The following FMO2 variants were observed in gnomAD, a reference collection of about 807,000 sequenced individuals.
The protein encoded by FMO2 is flavin containing dimethylaniline monoxygenase 2.
In FMO2, 33 loss-of-function variants were observed where a neutral mutation model predicts 41.6. The observed-to-expected ratio is 0.79, with a 90% CI of 0.60 to 1.06. The LOEUF is 1.06. Ranked by LOEUF, FMO2 falls within the 50% of genes least tolerant of loss-of-function variation. FMO2 has a pLI of 0.00. For missense variants in FMO2, 619 were observed against 632.9 expected (o/e 0.98, Z 0.23); for synonymous variants, 214 against 219.6 (o/e 0.97, Z 0.23).
rs541394865 is a variant in FMO2, at chr1:171,207,721, T to C, written c.1187T>C (p.Leu396Ser). ...AAACCAACCTTTTATTCCTTAGGCTTGTGTAGCCTGCCCTCAGAGAGAACT... is the reference window on the plus strand; with the variant it reads ...AAACCAACCTTTTATTCCTTAGGCTCGTGTAGCCTGCCCTCAGAGAGAACT... ...ARWVTRVFKGLCSLPSERTMM... is the reference protein window; with the variant it reads ...ARWVTRVFKGSCSLPSERTMM... Residue 396 changes from leucine to serine, a missense_variant, in exon 8 of 9, where the codon TTG (leucine) becomes TCG (serine). Coordinates refer to ENST00000209929, the MANE Select transcript of FMO2 (RefSeq NM_001460.5). 1.2e-5 allele frequency: 19 copies of C among 1,604,602 alleles called. No individual in the cohort carries two copies. The highest frequency in any genetic ancestry group is 1.5e-5 in the Non-Finnish European group (18 of 1,172,668).
At chr1:171,191,188 T>C (rs1239867559) in intron 2 of FMO2, among the ~76,000 whole-genome samples, 1 of 151,220 alleles carries the variant, frequency 6.6e-6, no homozygotes, top group Non-Finnish European at 1.5e-5. Flanking sequence ...AGAAAAATAG[T>C]GAGGTCATTA....
At chr1:171,189,659 C>CTT (rs397827245) in intron 2 of FMO2, among the ~76,000 whole-genome samples, 17,377 of 121,110 alleles carry the variant, frequency 0.14, 1,503 homozygotes, top group African/African-American at 0.18. Flanking sequence ...TTTTTCTTTT[C>CTT]TTTTTTTTTT....
At chr1:171,206,243 T>C (rs1280990120) in intron 7 of FMO2, among the ~76,000 whole-genome samples, 1 of 152,112 alleles carries the variant, frequency 6.6e-6, no homozygotes, top group Non-Finnish European at 1.5e-5. Context: ...TGACAAATGC[T>C]TTGATTGAAT....
Position 171,209,319 on chromosome 1 carries a change from C to G in FMO2, c.*174C>G, listed in dbSNP as rs550656602. The G allele has an allele frequency of 2.5e-6, 1 of 392,972 alleles. No individual in the cohort carries two copies. The highest frequency in any genetic ancestry group is 2.1e-5 in the African/African-American group (1 of 48,534). The allele number at this position is 392,972 out of a possible 1,614,324, so 24.3% of individuals were successfully genotyped here. ...AGCAGAATTAGGCATATGTACAAAA[C>G]CAAAATTTTGTCATGAAATTTTGCC... On this transcript the variant is annotated 3_prime_UTR_variant, in exon 9 of 9. Coordinates refer to ENST00000209929, the MANE Select transcript of FMO2 (RefSeq NM_001460.5).
chr1:171,186,796 TTCCCACAACCTC>T (rs1657873201), intron 2 of FMO2, among the ~76,000 whole-genome samples: 1 of 152,202 alleles, frequency 6.6e-6, no homozygotes, highest in East Asian at 1.9e-4. Flanking sequence ...CAATTATTCC[TTCCCACAACCTC>T]TCAATAGGTA....
chr1:171,191,152 A>C (rs1053889623), intron 2 of FMO2, among the ~76,000 whole-genome samples: 15 of 152,188 alleles, frequency 9.9e-5, no homozygotes, highest in Non-Finnish European at 1.6e-4. Context: ...TCTCAAAAAA[A>C]AAAAAGGGAT....
intron 3 of FMO2, among the ~76,000 whole-genome samples, chr1:171,193,732 C>G (rs888145368): frequency 3.3e-5 from 5 of 151,526 alleles, no homozygotes; most frequent in Non-Finnish European, 5.9e-5. Context: ...GGAAAATCAT[C>G]TGTTAAAGTT....
Position 171,208,872 on chromosome 1 carries a change from G to A in FMO2, c.1335G>A (p.Ala445=), listed in dbSNP as rs766971838. The A allele has an allele frequency of 4.1e-5, 66 of 1,613,854 alleles. 1 individual carries two copies. Among genetic ancestry groups the A allele is most frequent in the African/African-American group, 1.9e-4 (14 of 74,908 alleles). Residue 445 remains alanine (A), a synonymous_variant, in exon 9 of 9, where the codon GCG becomes GCA. Coordinates refer to ENST00000209929, the MANE Select transcript of FMO2 (RefSeq NM_001460.5). ...YLDELALEIG[A]KPDFCSLLFK... is the part of the protein sequence containing the mutation. ...ACGAGCTCGCCTTAGAGATAGGTGCGAAGCCAGATTTCTGCTCTCTCTTGT... is the reference window on the plus strand; with the variant it reads ...ACGAGCTCGCCTTAGAGATAGGTGCAAAGCCAGATTTCTGCTCTCTCTTGT...
intron 3 of FMO2, among the ~76,000 whole-genome samples, chr1:171,195,822 A>G (rs1304953844): frequency 6.6e-6 from 1 of 152,196 alleles, no homozygotes; most frequent in African/African-American, 2.4e-5. Context: ...CCAATAAATC[A>G]TTTTATTCAA....
intron 7 of FMO2, among the ~76,000 whole-genome samples, chr1:171,206,585 T>C (rs1162189687): frequency 6.6e-6 from 1 of 152,164 alleles, no homozygotes; most frequent in African/African-American, 2.4e-5. Flanking sequence ...ATGAAAATCA[T>C]CTGATGGATC....
chr1:171,186,088 G>T, intron 2 of FMO2: 1 of 343,598 alleles, frequency 2.9e-6, no homozygotes, highest in Admixed American at 4.2e-5. Flanking sequence ...TTCAGCAATT[G>T]TCTTACAGCC....
At position 171,193,366 on chromosome 1, in the gene FMO2, A is replaced by T; in HGVS notation, c.164A>T (p.Tyr55Phe). The change falls in exon 3 of 9, where the codon TAT (tyrosine) becomes TTT (phenylalanine). Residue 55 changes from tyrosine to phenylalanine, a missense_variant. Transcript: ENST00000209929. The stretch of plus-strand genomic sequence containing the variant: ...GTGGAAGATGGCCGAGCAAGTATCT[A>T]TCAATCTGTCGTTACCAACACCAGC... Reference protein sequence around the residue: ...ENVEDGRASIYQSVVTNTSKE... With the variant: ...ENVEDGRASIFQSVVTNTSKE... 6.2e-7 allele frequency: 1 copy of T among 1,611,496 alleles called. No individual in the cohort carries two copies. Among genetic ancestry groups the T allele is most frequent in the Non-Finnish European group, 8.5e-7 (1 of 1,178,650 alleles).
At chr1:171,197,476 G>T (rs968184367) in intron 4 of FMO2, among the ~76,000 whole-genome samples, 2 of 152,184 alleles carry the variant, frequency 1.3e-5, no homozygotes, top group African/African-American at 4.8e-5. Flanking sequence ...ATACAGTCAG[G>T]ATTAAGGCCT....
At chr1:171,195,011 A>G (rs1240557033) in intron 3 of FMO2, among the ~76,000 whole-genome samples, 1 of 152,180 alleles carries the variant, frequency 6.6e-6, no homozygotes, top group African/African-American at 2.4e-5. Context: ...AACTTTGTGC[A>G]CTTAACTATC....
At chr1:171,201,157 T>G in intron 5 of FMO2, among the ~76,000 whole-genome samples, 1 of 152,122 alleles carries the variant, frequency 6.6e-6, no homozygotes, top group Non-Finnish European at 1.5e-5. Context: ...GCAAAAGACT[T>G]TGTTTCCATC....
intron 7 of FMO2, 124 bp from the exon 8 acceptor site, chr1:171,207,594 G>A: frequency 1.4e-6 from 1 of 712,026 alleles, no homozygotes; most frequent in African/African-American, 1.8e-5. Context: ...AAGTTCAACA[G>A]CACGGAAGCC....
rs1249692348 is a variant in FMO2 at position 171,196,812 on chromosome 1, G to A, written c.484+1G>A. On this transcript the variant is annotated splice_donor_variant, in intron 4 of 8. Transcript: ENST00000209929. LOFTEE classifies it high-confidence loss of function. Reference sequence around the variant, plus strand: ...CATATCCCACTGAAGTCATTTCCAGGTGAGACCCGCTGGGATTCCCAGCTT... The same window carrying A: ...CATATCCCACTGAAGTCATTTCCAGATGAGACCCGCTGGGATTCCCAGCTT... 1.2e-6 allele frequency: 2 copies of A among 1,612,040 alleles called. No individual in the cohort carries two copies. Among genetic ancestry groups the A allele is most frequent in the Admixed American group, 3.3e-5 (2 of 59,872 alleles).
Position 171,204,014 on chromosome 1 carries a change from G to C in FMO2, c.777G>C (p.Gln259His). The change falls in exon 6 of 9, where the codon CAG (glutamine) becomes CAC (histidine). Residue 259 changes from glutamine (Q) to histidine (H), a missense_variant. Transcript: ENST00000209929. ...CTGTAAAATGGATGATAGAACAACAGATGAATCGGTGGTTCAACCATGAAA... is the reference window on the plus strand; with the variant it reads ...CTGTAAAATGGATGATAGAACAACACATGAATCGGTGGTTCAACCATGAAA... Reference protein sequence around the residue: ...RTAVKWMIEQQMNRWFNHENY... With the variant: ...RTAVKWMIEQHMNRWFNHENY... 2 of 1,613,768 alleles carry C rather than the reference G, an allele frequency of 1.2e-6. No individual in the cohort carries two copies. Among genetic ancestry groups the C allele is most frequent in the Non-Finnish European group, 8.5e-7 (1 of 1,179,758 alleles).
intron 5 of FMO2, among the ~76,000 whole-genome samples, chr1:171,201,474 C>T (rs1394476399): frequency 1.3e-5 from 2 of 152,118 alleles, no homozygotes; most frequent in Admixed American, 6.6e-5. Flanking sequence ...AGAGACTTTA[C>T]AGGAGCTATA....
Sources: gnomAD v4.1 joint callset for allele counts (sites outside exome capture counted in the v4.1 genomes callset) on GRCh38, gnomAD v4.1.1 for gene constraint, MANE v1.5 for transcripts, NCBI Gene and HGNC (gene_info 2026-07-23, HGNC 2026-07-21) for gene names.